The following MYO1H variants were observed in gnomAD, a reference collection of about 807,000 sequenced individuals.
MYO1H encodes the protein myosin IH, also known as unconventional myosin-Ih.
In MYO1H, 118 loss-of-function variants were observed where a neutral mutation model predicts 149.3. That is an observed-to-expected ratio of 0.79 (90% CI 0.68 to 0.92). The LOEUF is 0.92. Ranked by LOEUF, MYO1H falls within the 40% of genes least tolerant of loss-of-function variation. The pLI, the probability that MYO1H is intolerant of heterozygous loss-of-function variation, is 0.00. For missense variants in MYO1H, 1,212 were observed against 1,280.7 expected, an observed-to-expected ratio of 0.95 and a Z score of 0.82; for synonymous variants, 447 against 465.2, an observed-to-expected ratio of 0.96 and a Z score of 0.50.
At position 109,357,167 on chromosome 12, in the gene MYO1H, A is replaced by C. The variant is rs759991142; in HGVS notation, c.12+9195A>C. ...CAGCATTAATTTCTGGTTCGTGTTT[A>C]GTGAGCCAGGAAGCAGTCATGGGTT... On this transcript the variant is annotated intron_variant, in intron 1 of 31. Transcript: ENST00000310903. 35 of 152,238 alleles carry C rather than the reference A, an allele frequency of 2.3e-4. 1 individual carries two copies. Among genetic ancestry groups the C allele is most frequent in the Non-Finnish European group, 2.8e-4 (19 of 68,054 alleles). 9.4% of individuals were successfully genotyped at this position (152,238 alleles called of 1,614,324 possible).
chr12:109,445,821 G>C (rs1269325474), intron 31 of MYO1H: 1 of 985,298 alleles, frequency 1.0e-6, no homozygotes, highest in African/African-American at 1.7e-5. Context: ...AAGAAAAAAA[G>C]CTTAACCATC....
At chr12:109,385,395 A>T (rs1014347847) in intron 1 of MYO1H, among the ~76,000 whole-genome samples, 2 of 125,294 alleles carry the variant, frequency 1.6e-5, no homozygotes, top group African/African-American at 6.6e-5. Flanking sequence ...TCTGAGGTTC[A>T]TGCGATCCTC....
chr12:109,429,807 T>C (rs538927674), intron 19 of MYO1H, among the ~76,000 whole-genome samples: 18 of 152,258 alleles, frequency 1.2e-4, no homozygotes, highest in Middle Eastern at 3.4e-3. Flanking sequence ...TTTGGTGTCT[T>C]AGTCTGTTTG....
In MYO1H at chr12:109,406,873, A is replaced by C. The variant is rs11835066; in HGVS notation, c.1035+13A>C. 84,425 of 1,611,718 alleles carry C rather than the reference A, an allele frequency of 0.052. 2,890 individuals carry two copies. Among genetic ancestry groups the C allele is most frequent in the African/African-American group, 0.16 (12,359 of 74,942 alleles). ...CAAAACTGAGGAGGTAAAAATGGCT[A>C]TAGGTGGAAATGTGCCAGCCCTCCC... On this transcript the variant is annotated intron_variant, in intron 9 of 31. Transcript: ENST00000310903.
intron 10 of MYO1H, 123 bp downstream of exon 10, chr12:109,408,036 C>A: frequency 1.6e-6 from 2 of 1,215,216 alleles, no homozygotes; most frequent in East Asian, 2.4e-5. Context: ...GAGATGGTGT[C>A]TTTCCCTATT....
At chr12:109,420,949 G>T (rs759120517) in intron 15 of MYO1H, 32 bp from the exon 16 acceptor site, 5 of 1,259,666 alleles carry the variant, frequency 4.0e-6, no homozygotes, top group South Asian at 2.5e-5. Context: ...CAGAGACATT[G>T]ATTCAAAAAA....
At chr12:109,448,010 C>T (rs574975010) in exon 32 of MYO1H, 2 of 152,210 alleles carry the variant, frequency 1.3e-5, no homozygotes, top group Non-Finnish European at 2.9e-5. Context: ...CCTTTGCAAG[C>T]GTTTATTTAC....
chr12:109,427,627 C>T, intron 19 of MYO1H, 41 bp downstream of exon 19: 1 of 1,329,414 alleles, frequency 7.5e-7, no homozygotes, highest in Non-Finnish European at 1.1e-6. Context: ...TAGTCATGTG[C>T]CTACTACATG....
intron 1 of MYO1H, among the ~76,000 whole-genome samples, chr12:109,364,728 T>C (rs1287653748): frequency 6.6e-6 from 1 of 152,240 alleles, no homozygotes; most frequent in Non-Finnish European, 1.5e-5. Context: ...TTGCTTAAAA[T>C]ATTTCCCTAG....
At chr12:109,367,918 A>G (rs1868900467) in intron 1 of MYO1H, among the ~76,000 whole-genome samples, 1 of 152,100 alleles carries the variant, frequency 6.6e-6, no homozygotes, top group African/African-American at 2.4e-5. Flanking sequence ...CAGTGGCACA[A>G]TCATGGCTCA....
intron 7 of MYO1H, among the ~76,000 whole-genome samples, chr12:109,404,515 G>A (rs1227558370): frequency 1.3e-5 from 2 of 152,104 alleles, no homozygotes; most frequent in Non-Finnish European, 2.9e-5. Context: ...AATACAGGAT[G>A]CCCAGTTACA....
the MYO1H span, among the ~76,000 whole-genome samples, chr12:109,342,196 G>T: frequency 3.4e-5 from 5 of 148,366 alleles, no homozygotes; most frequent in Non-Finnish European, 7.4e-5. Context: ...CCAGGCTGGA[G>T]TGCAGTGGCA....
intron 1 of MYO1H, among the ~76,000 whole-genome samples, chr12:109,378,699 T>C (rs1252001922): frequency 6.6e-6 from 1 of 152,180 alleles, no homozygotes; most frequent in Non-Finnish European, 1.5e-5. Context: ...TATCTGATAT[T>C]TTCCCTGGTG....
At chr12:109,325,923 A>G in the MYO1H span, among the ~76,000 whole-genome samples, 14 of 152,200 alleles carry the variant, frequency 9.2e-5, no homozygotes, top group Non-Finnish European at 1.0e-4. Flanking sequence ...GAAACAACCA[A>G]TGTTGGCAAG....
intron 20 of MYO1H, among the ~76,000 whole-genome samples, chr12:109,433,796 C>T (rs1871740954): frequency 6.6e-6 from 1 of 152,178 alleles, no homozygotes; most frequent in Non-Finnish European, 1.5e-5. Context: ...AGGCTCAGCA[C>T]ATCCTGAGGG....
intron 18 of MYO1H, 60 bp downstream of exon 18, chr12:109,426,111 G>A: frequency 8.2e-7 from 1 of 1,212,130 alleles, no homozygotes; most frequent in Non-Finnish European, 1.2e-6. Context: ...CCAAAGCAAG[G>A]TGGCAGTGGG....
intron 1 of MYO1H, among the ~76,000 whole-genome samples, chr12:109,350,540 G>A (rs887792265): frequency 6.6e-6 from 1 of 152,182 alleles, no homozygotes; most frequent in Non-Finnish European, 1.5e-5. Flanking sequence ...CCAGCCACGT[G>A]GAACTGTGAG....
chr12:109,432,378 C>T (rs1871667518), intron 19 of MYO1H, among the ~76,000 whole-genome samples: 1 of 152,162 alleles, frequency 6.6e-6, no homozygotes, highest in African/African-American at 2.4e-5. Flanking sequence ...CTGCCTTGGC[C>T]TCCCAAATTG....
chr12:109,371,683 A>G (rs537013113), intron 1 of MYO1H, among the ~76,000 whole-genome samples: 1 of 152,236 alleles, frequency 6.6e-6, no homozygotes, highest in Non-Finnish European at 1.5e-5. Flanking sequence ...ATAAATATCT[A>G]CAAATGAAAT....
Sources: allele counts gnomAD v4.1 joint callset (sites outside exome capture counted in the v4.1 genomes callset), GRCh38; gene constraint gnomAD v4.1.1; transcripts MANE v1.5; gene names NCBI Gene and HGNC (gene_info 2026-07-23, HGNC 2026-07-21).